Variants in BDNF observed in about 807,000 individuals in gnomAD.
BDNF encodes neurotrophic factor BDNF precursor form.
Under a neutral mutation model 19.5 loss-of-function variants are expected in BDNF, and 1 was observed. The observed-to-expected ratio is 0.05, with a 90% CI of 0.02 to 0.24. The LOEUF is 0.24. Among genes scored for constraint, BDNF ranks in the 10% least tolerant of loss-of-function variants. BDNF has a pLI of 1.00. For synonymous variants in BDNF, 100 were observed against 121.6 expected (o/e 0.82, Z 1.17); for missense variants, 195 against 317.6 (o/e 0.61, Z 2.93).
At chr11:27,712,496 T>C (rs939717316) in intron 1 of BDNF, among the ~76,000 whole-genome samples, 46 of 151,270 alleles carry the variant, frequency 3.0e-4, no homozygotes, top group African/African-American at 1.1e-3. Context: ...TGTAATCTTA[T>C]ACATTTATTT....
intron 1 of BDNF, among the ~76,000 whole-genome samples, chr11:27,663,589 G>A (rs1853808188): frequency 2.0e-5 from 3 of 152,298 alleles, no homozygotes; most frequent in Middle Eastern, 3.4e-3. Context: ...GACAGGATGG[G>A]TATTATTATC....
chr11:27,715,623 A>G (rs1221320266), intron 1 of BDNF, among the ~76,000 whole-genome samples: 1 of 152,216 alleles, frequency 6.6e-6, no homozygotes, highest in Non-Finnish European at 1.5e-5. Flanking sequence ...ATAAATCAAA[A>G]TAGGAGAAAA....
rs1341834020 is a variant in BDNF at position 27,674,156 on chromosome 11, T to C, written c.-21-15571A>G. The stretch of plus-strand genomic sequence containing the variant: ...TCTTCTGGGATGCACAGTCATGCCA[T>C]ACAGAAGCGTGTGGGTAGACGCCAA... On this transcript the variant is annotated intron_variant, in intron 1 of 1. Coordinates refer to ENST00000356660, the MANE Select transcript of BDNF (RefSeq NM_001709.5). 7 of 1,611,290 alleles carry C rather than the reference T, an allele frequency of 4.3e-6. No individual in the cohort carries two copies. The East Asian group carries it at 6.7e-5, about 15-fold the overall frequency.
chr11:27,718,780 G>A (rs1860629587), intron 1 of BDNF, among the ~76,000 whole-genome samples: 1 of 152,034 alleles, frequency 6.6e-6, no homozygotes, highest in Non-Finnish European at 1.5e-5. Flanking sequence ...CTTCGCCTAT[G>A]AATCCACCTG....
intron 1 of BDNF, among the ~76,000 whole-genome samples, chr11:27,682,043 C>G (rs1856891416): frequency 6.6e-6 from 1 of 152,098 alleles, no homozygotes. Context: ...TTCAGCAGTT[C>G]TCTCATCTCA....
At chr11:27,699,393 C>T in intron 1 of BDNF, 1 of 1,614,152 alleles carries the variant, frequency 6.2e-7, no homozygotes, top group Non-Finnish European at 8.5e-7. Context: ...CATTCCTCTT[C>T]CCGGCTCTGC....
chr11:27,718,490 C>T (rs1390350884), intron 1 of BDNF, among the ~76,000 whole-genome samples: 2 of 151,560 alleles, frequency 1.3e-5, no homozygotes, highest in South Asian at 2.1e-4. Context: ...AGTTCCTTTG[C>T]AGCACGCTTG....
upstream of BDNF, among the ~76,000 whole-genome samples, chr11:27,701,834 C>A (rs1188833151): frequency 6.6e-6 from 1 of 152,188 alleles, no homozygotes; most frequent in African/African-American, 2.4e-5. Flanking sequence ...CCCCAGCAAA[C>A]ACACGTATAA....
At chr11:27,660,157 T>C in intron 1 of BDNF, 1 of 1,131,002 alleles carries the variant, frequency 8.8e-7, no homozygotes, top group Non-Finnish European at 1.1e-6. Context: ...GCAACCTACC[T>C]CCAGTCAATA....
intron 1 of BDNF, among the ~76,000 whole-genome samples, chr11:27,714,134 C>A (rs1860433883): frequency 1.3e-5 from 2 of 152,172 alleles, no homozygotes; most frequent in African/African-American, 4.8e-5. Context: ...TGAACTACTG[C>A]AGCAATCTAG....
At chr11:27,701,465 C>A, upstream of BDNF, 2 of 992,264 alleles carry the variant, frequency 2.0e-6, no homozygotes, top group Non-Finnish European at 2.4e-6. Context: ...TGTTCTGCAG[C>A]AAAGAAGTTA....
chr11:27,721,523 T>C, exon 1 of BDNF: 1 of 1,213,238 alleles, frequency 8.2e-7, no homozygotes, highest in East Asian at 2.3e-5. Flanking sequence ...AGTTCGGCTT[T>C]GCTCAGTGGA....
rs902268650 is a variant in BDNF, at chr11:27,699,617, G to A, written c.-22+547C>T. ...AAGTTTTCCAAGCTACATTGGCTTC[G>A]GACTTGTAAGTCCACTTCAGTCTCA... is the stretch of plus-strand genomic sequence containing the variant. On this transcript the variant is annotated intron_variant, in intron 1 of 1. Transcript: ENST00000356660. 25 of 1,458,378 alleles carry A rather than the reference G, an allele frequency of 1.7e-5. 1 individual carries two copies. The highest frequency in any genetic ancestry group is 7.1e-5 in the African/African-American group (5 of 70,508). The allele number at this position is 1,458,378 out of a possible 1,614,324, so 90.3% of individuals were successfully genotyped here. A position where few individuals can be genotyped will look rare whatever the true frequency, so the allele number is the denominator to read the frequency against.
upstream of BDNF, chr11:27,700,571 G>A (rs2134087544): frequency 2.2e-6 from 2 of 898,798 alleles, no homozygotes; most frequent in Non-Finnish European, 2.5e-6. Context: ...CCGCGCTACC[G>A]ATACCCGTTC....
chr11:27,663,340 C>T lies in BDNF; in HGVS notation c.-21-4755G>A, dbSNP rs187642326. ...TTAATTCAACCACATCTATAAAATG[C>T]TAGGAAGGCTTTCATAGCCCCACTG... is the stretch of plus-strand genomic sequence containing the variant. On this transcript the variant is annotated intron_variant, in intron 1 of 1. Transcript: ENST00000356660. 5.0e-3 allele frequency among the ~76,000 whole-genome samples: 757 copies of T among 152,284 alleles called. 3 individuals carry two copies. The highest frequency in any genetic ancestry group is 9.2e-3 in the Non-Finnish European group (626 of 68,006).
chr11:27,658,793 G>A lies in BDNF; in HGVS notation c.-21-208C>T. 1 of 1,442,838 alleles carries A rather than the reference G, an allele frequency of 6.9e-7. No individual in the cohort carries two copies. Among genetic ancestry groups the A allele is most frequent in the Non-Finnish European group, 9.1e-7 (1 of 1,096,776 alleles). The allele number at this position is 1,442,838 out of a possible 1,614,324, so 89.4% of individuals were successfully genotyped here. ...TTAATATAAACCAGAGACATGCAGT[G>A]TTTCCCCCAAGATCTAGCATATAAA... On this transcript the variant is annotated intron_variant, in intron 1 of 1. Transcript: ENST00000356660. This position sits in a 1 kb window ranked among gnomAD's most constrained non-coding sequence, Gnocchi z 5.7.
chr11:27,714,982 G>A (rs1488384897), intron 1 of BDNF, among the ~76,000 whole-genome samples: 1 of 152,062 alleles, frequency 6.6e-6, no homozygotes, highest in Non-Finnish European at 1.5e-5. Flanking sequence ...CTAAGGATTG[G>A]AGCAAATAAA....
chr11:27,703,941 A>G (rs1287043479), upstream of BDNF, among the ~76,000 whole-genome samples: 1 of 152,240 alleles, frequency 6.6e-6, no homozygotes, highest in Admixed American at 6.5e-5. Flanking sequence ...AAATTGTACC[A>G]GTGCCTTGCA....
In BDNF at chr11:27,657,345, C is replaced by T. The variant is rs1852705224; in HGVS notation, c.*476G>A. On this transcript the variant is annotated 3_prime_UTR_variant, in exon 2 of 2. Transcript: ENST00000356660. The surrounding 1 kb of genome is among the most constrained non-coding windows in gnomAD (Gnocchi z 5.0). Reference sequence around the variant, plus strand: ...CAGCACCTTGACATTGTTTTAATTCCAACGCTATCAGAAGTTAAAAGCAGT... The same window carrying T: ...CAGCACCTTGACATTGTTTTAATTCTAACGCTATCAGAAGTTAAAAGCAGT... 1.0e-6 allele frequency: 1 copy of T among 997,668 alleles called. No homozygotes were observed. Among genetic ancestry groups the T allele is most frequent in the Non-Finnish European group, 1.2e-6 (1 of 836,884 alleles). 61.8% of individuals were successfully genotyped at this position (997,668 alleles called of 1,614,324 possible).
Sources: allele counts gnomAD v4.1 joint callset (sites outside exome capture counted in the v4.1 genomes callset), GRCh38; gene constraint gnomAD v4.1.1; non-coding constraint Gnocchi (gnomAD v3.1); transcripts MANE v1.5; gene names NCBI Gene and HGNC (gene_info 2026-07-23, HGNC 2026-07-21).